RAB3C: variants seen among roughly 807,000 people sequenced by gnomAD.
RAB3C encodes ras-related protein Rab-3C.
A neutral mutation model predicts 26.4 loss-of-function variants in RAB3C; 17 were observed. The ratio of observed to expected loss-of-function variants is 0.64; its 90% confidence interval spans 0.44 to 0.97. The LOEUF (loss-of-function observed/expected upper bound fraction) is 0.97, where lower values mean the gene tolerates loss of function less well. Ranked by LOEUF, RAB3C falls within the 50% of genes least tolerant of loss-of-function variation. The pLI, the probability that RAB3C is intolerant of heterozygous loss-of-function variation, is 0.00. For missense variants in RAB3C, 242 were observed against 281.9 expected (o/e 0.86, Z 1.01); for synonymous variants, 91 against 95.9 (o/e 0.95, Z 0.30).
chr5:58,761,061 T>TCA lies in RAB3C; in HGVS notation c.371+34942_371+34943insAC, dbSNP rs769194224. Among the ~76,000 whole-genome samples the TCA allele has an allele frequency of 9.7e-4, 123 of 126,532 alleles. 2 individuals are homozygous for TCA. The highest frequency in any genetic ancestry group is 3.3e-3 in the African/African-American group (115 of 35,198). 83.0% of individuals were successfully genotyped at this position (126,532 alleles called of 152,430 possible). ...CTCTCTCTCTCTCCCTCTCTCTCTC[T>TCA]CTCACACACACACACACACACACAC... On this transcript the variant is annotated intron_variant, in intron 3 of 4. Coordinates refer to ENST00000282878, the MANE Select transcript of RAB3C (RefSeq NM_138453.4).
intron 2 of RAB3C, among the ~76,000 whole-genome samples, chr5:58,721,977 G>A (rs1276158901): frequency 6.7e-6 from 1 of 149,222 alleles, no homozygotes; most frequent in South Asian, 2.1e-4. Flanking sequence ...TCTCTTTTTT[G>A]ATTTTGATAC....
chr5:58,672,609 G>A (rs183564684), intron 2 of RAB3C, among the ~76,000 whole-genome samples: 1 of 152,146 alleles, frequency 6.6e-6, no homozygotes, highest in Admixed American at 6.5e-5. Flanking sequence ...ACTTCTGGTT[G>A]GTTGGTTGTT....
At chr5:58,693,911 C>A (rs1748633357) in intron 2 of RAB3C, among the ~76,000 whole-genome samples, 1 of 152,034 alleles carries the variant, frequency 6.6e-6, no homozygotes, top group Non-Finnish European at 1.5e-5. Flanking sequence ...CCATACGTTC[C>A]CATCTGTTCA....
At chr5:58,657,292 T>A (rs1445670976) in intron 2 of RAB3C, among the ~76,000 whole-genome samples, 1 of 151,940 alleles carries the variant, frequency 6.6e-6, no homozygotes, top group Non-Finnish European at 1.5e-5. Context: ...GTGCAGTGTA[T>A]ACTGCTCAGG....
exon 1 of RAB3C, chr5:58,583,072 TCCA>T: frequency 6.5e-7 from 1 of 1,528,836 alleles, no homozygotes; most frequent in Non-Finnish European, 8.8e-7. Context: ...AGAGGACAGC[TCCA>T]GTGCTGATGT....
At chr5:58,788,191 C>G (rs1742437099) in intron 3 of RAB3C, 2 of 152,258 alleles carry the variant, frequency 1.3e-5, no homozygotes, top group South Asian at 4.1e-4. Flanking sequence ...ACACTTAATT[C>G]AGCTCTCTCT....
chr5:58,794,851 G>T (rs1218099573), intron 3 of RAB3C, among the ~76,000 whole-genome samples: 1 of 152,192 alleles, frequency 6.6e-6, no homozygotes, highest in Non-Finnish European at 1.5e-5. Context: ...TATTTAAAAT[G>T]CTGATTACTC....
chr5:58,610,396 C>T (rs1374534116), intron 1 of RAB3C, among the ~76,000 whole-genome samples: 5 of 152,020 alleles, frequency 3.3e-5, no homozygotes, highest in Admixed American at 3.3e-4. Context: ...ACATCCTTGC[C>T]AGCAATTGTT....
chr5:58,815,880 C>G (rs1457373218), intron 3 of RAB3C: 1 of 152,046 alleles, frequency 6.6e-6, no homozygotes, highest in Non-Finnish European at 1.5e-5. Flanking sequence ...CATATGTGGG[C>G]CTGCATGAGT....
chr5:58,807,953 C>T (rs952357630), intron 3 of RAB3C, among the ~76,000 whole-genome samples: 14 of 152,160 alleles, frequency 9.2e-5, no homozygotes, highest in South Asian at 4.1e-4. Flanking sequence ...TTGCCAGGTG[C>T]GGTGGCTCAC....
intron 3 of RAB3C, among the ~76,000 whole-genome samples, chr5:58,813,627 TATATATACACAC>T (rs1743144412): frequency 8.6e-5 from 1 of 11,682 alleles, no homozygotes; most frequent in Non-Finnish European, 2.5e-4. Flanking sequence ...TATATATATA[TATATATACACAC>T]ACACACACAC....
chr5:58,616,172 C>G (rs1746821762), intron 1 of RAB3C, among the ~76,000 whole-genome samples: 1 of 152,184 alleles, frequency 6.6e-6, no homozygotes. Context: ...AAAATAGACT[C>G]TCTAGCCTAG....
intron 2 of RAB3C, among the ~76,000 whole-genome samples, chr5:58,678,698 A>T (rs1288304246): frequency 2.6e-5 from 4 of 152,212 alleles, no homozygotes; most frequent in Non-Finnish European, 5.9e-5. Flanking sequence ...ATAAAAATTT[A>T]AATTCACCCA....
chr5:58,813,523 G>C (rs1743132079), intron 3 of RAB3C, among the ~76,000 whole-genome samples: 1 of 149,980 alleles, frequency 6.7e-6, no homozygotes, highest in Non-Finnish European at 1.5e-5. Flanking sequence ...AGGTTGCCTA[G>C]TCATTCCAAG....
chr5:58,761,854 C>A (rs1022628125), intron 3 of RAB3C, among the ~76,000 whole-genome samples: 12 of 152,190 alleles, frequency 7.9e-5, no homozygotes, highest in Non-Finnish European at 1.8e-4. Flanking sequence ...TCCCAGGTAC[C>A]TGCTCTTCAA....
rs147154784 is a variant in RAB3C, at chr5:58,806,640, C to A, written c.372-18398C>A. 3.3e-3 allele frequency among the ~76,000 whole-genome samples: 506 copies of A among 152,276 alleles called. 1 individual carries two copies. The highest frequency in any genetic ancestry group is 0.012 in the African/African-American group (478 of 41,530). ...TGCATGGAAGGATATTTAATAGCAT[C>A]TCTGGCCTCTATCTATGACATGCCA... On this transcript the variant is annotated intron_variant, in intron 3 of 4. Transcript: ENST00000282878.
intron 3 of RAB3C, among the ~76,000 whole-genome samples, chr5:58,786,256 A>G (rs1016036088): frequency 6.6e-6 from 1 of 152,152 alleles, no homozygotes; most frequent in Non-Finnish European, 1.5e-5. Context: ...CCAGACCTGA[A>G]CCTCAGCCCT....
Position 58,813,633 on chromosome 5 carries a change from T to TATATAC in RAB3C, c.372-11404_372-11403insTATACA, listed in dbSNP as rs1175890816. ...ATATATATATATATATATATATATA[T>TATATAC]ACACACACACACACACATATACATA... On this transcript the variant is annotated intron_variant, in intron 3 of 4. Coordinates refer to ENST00000282878, the MANE Select transcript of RAB3C (RefSeq NM_138453.4). Among the ~76,000 whole-genome samples, 111 of 17,100 alleles carry TATATAC rather than the reference T, an allele frequency of 6.5e-3. 3 individuals are homozygous for TATATAC. The highest frequency in any genetic ancestry group is 0.012 in the Non-Finnish European group (81 of 6,772). 11.2% of individuals were successfully genotyped at this position (17,100 alleles called of 152,430 possible).
chr5:58,593,610 A>G (rs2111662063), intron 1 of RAB3C, among the ~76,000 whole-genome samples: 1 of 152,314 alleles, frequency 6.6e-6, no homozygotes, highest in African/African-American at 2.4e-5. Flanking sequence ...AAGGTGCAAA[A>G]TTGTAAAAAT....
Sources: gnomAD v4.1 joint callset for allele counts (sites outside exome capture counted in the v4.1 genomes callset) on GRCh38, gnomAD v4.1.1 for gene constraint, MANE v1.5 for transcripts, NCBI Gene and HGNC (gene_info 2026-07-23, HGNC 2026-07-21) for gene names.